TYW1B: variants seen among roughly 807,000 people sequenced by gnomAD.
TYW1B encodes the protein S-adenosyl-L-methionine-dependent tRNA 4-demethylwyosine synthase TYW1B.
A neutral mutation model predicts 86.9 loss-of-function variants in TYW1B; 73 were observed. The observed-to-expected ratio is 0.84, with a 90% confidence interval of 0.70 to 1.02. The LOEUF (loss-of-function observed/expected upper bound fraction) is 1.02. Ranked by LOEUF, TYW1B falls within the 50% of genes least tolerant of loss-of-function variation. The pLI is 0.00. For missense variants in TYW1B, 637 were observed against 827.4 expected (o/e 0.77, Z 2.82); for synonymous variants, 248 against 292.8 (o/e 0.85, Z 1.56).
rs1044063415 is a variant in TYW1B, at chr7:72,806,019, C to T, written c.723+1047G>A. On this transcript the variant is annotated intron_variant, in intron 5 of 13. Coordinates refer to ENST00000620995, the MANE Select transcript of TYW1B (RefSeq NM_001145440.3). ...AATGCTCAGAATGTGAGGGAAAAAG[C>T]GGAATCTAGGATGACTTGCAGCCTT... 3.0e-4 allele frequency among the ~76,000 whole-genome samples: 46 copies of T among 151,878 alleles called. 1 individual carries two copies. Among genetic ancestry groups the T allele is most frequent in the Admixed American group, 2.5e-3 (38 of 15,212 alleles).
chr7:72,585,241 G>C (rs1288845620), intron 13 of TYW1B, among the ~76,000 whole-genome samples: 1 of 152,132 alleles, frequency 6.6e-6, no homozygotes, highest in Admixed American at 6.5e-5. Flanking sequence ...AGTTGTTCCA[G>C]CTTTTGTTAC....
chr7:72,720,881 A>G (rs1337396274), intron 9 of TYW1B, among the ~76,000 whole-genome samples: 2 of 150,350 alleles, frequency 1.3e-5, no homozygotes, highest in African/African-American at 4.9e-5. Context: ...TGTATCTCCT[A>G]ATGCTATCCC....
At chr7:72,785,223 T>A (rs1333580817) in intron 6 of TYW1B, among the ~76,000 whole-genome samples, 1 of 151,614 alleles carries the variant, frequency 6.6e-6, no homozygotes, top group Non-Finnish European at 1.5e-5. Flanking sequence ...GGTGTTTTGG[T>A]AGGACCAAAT....
At chr7:72,647,681 C>T (rs1480400902) in intron 11 of TYW1B, among the ~76,000 whole-genome samples, 1 of 151,720 alleles carries the variant, frequency 6.6e-6, no homozygotes, top group African/African-American at 2.4e-5. Flanking sequence ...TATTTGTTGA[C>T]AAGGGGTAAC....
intron 13 of TYW1B, among the ~76,000 whole-genome samples, chr7:72,582,897 G>A (rs1252208449): frequency 2.0e-5 from 3 of 152,144 alleles, no homozygotes; most frequent in Non-Finnish European, 4.4e-5. Context: ...GCAATTGCAG[G>A]AGATGGCATG....
intron 6 of TYW1B, among the ~76,000 whole-genome samples, chr7:72,797,855 G>C (rs1344541747): frequency 4.6e-5 from 7 of 152,102 alleles, no homozygotes; most frequent in African/African-American, 1.7e-4. Flanking sequence ...TCTTCTATAG[G>C]ACTCTGCCCT....
chr7:72,620,518 A>G (rs1321641337), intron 12 of TYW1B, among the ~76,000 whole-genome samples: 1 of 152,188 alleles, frequency 6.6e-6, no homozygotes, highest in Non-Finnish European at 1.5e-5. Flanking sequence ...TGCTCTGGGC[A>G]GAAAATGTTC....
At chr7:72,582,093 T>C (rs1400881775) in intron 13 of TYW1B, among the ~76,000 whole-genome samples, 1 of 150,988 alleles carries the variant, frequency 6.6e-6, no homozygotes, top group Non-Finnish European at 1.5e-5. Flanking sequence ...TTTTTTTTAA[T>C]ATTAAAGAAC....
At chr7:72,779,581 G>T (rs1277101985) in intron 6 of TYW1B, among the ~76,000 whole-genome samples, 4 of 151,906 alleles carry the variant, frequency 2.6e-5, no homozygotes, top group Admixed American at 1.3e-4. Context: ...GTCAGGCATG[G>T]TGGCAGGCAC....
At chr7:72,789,180 CT>C (rs1333027568) in intron 6 of TYW1B, among the ~76,000 whole-genome samples, 1 of 151,476 alleles carries the variant, frequency 6.6e-6, no homozygotes, top group Non-Finnish European at 1.5e-5. Context: ...GTCACCCAGG[CT>C]GGAGTGCAGT....
At chr7:72,724,334 G>A (rs1554458243) in intron 9 of TYW1B, among the ~76,000 whole-genome samples, 3 of 152,020 alleles carry the variant, frequency 2.0e-5, no homozygotes, top group Admixed American at 6.6e-5. Flanking sequence ...TAGCTGAAGC[G>A]CGGTAGCATG....
intron 4 of TYW1B, among the ~76,000 whole-genome samples, chr7:72,809,021 T>C (rs1788548097): frequency 6.6e-6 from 1 of 150,764 alleles, no homozygotes; most frequent in African/African-American, 2.4e-5. Flanking sequence ...TTTTCCTCCA[T>C]TTCCCTTGAA....
chr7:72,625,867 A>C, intron 12 of TYW1B, among the ~76,000 whole-genome samples: 1 of 126,962 alleles, frequency 7.9e-6, no homozygotes, highest in African/African-American at 2.9e-5. Context: ...ATGACTGCGA[A>C]AGTAAGAAAG....
chr7:72,657,933 T>C, intron 11 of TYW1B, among the ~76,000 whole-genome samples: 1 of 152,194 alleles, frequency 6.6e-6, no homozygotes. Flanking sequence ...CTGTTTATAA[T>C]CACAGACAAA....
At chr7:72,727,802 G>T (rs1222026319) in intron 9 of TYW1B, among the ~76,000 whole-genome samples, 1 of 104,222 alleles carries the variant, frequency 9.6e-6, no homozygotes, top group African/African-American at 3.9e-5. Context: ...GACAGAGTGA[G>T]ATCCGGTCCA....
intron 11 of TYW1B, among the ~76,000 whole-genome samples, chr7:72,660,306 C>T (rs564256838): frequency 9.9e-5 from 15 of 152,130 alleles, no homozygotes; most frequent in East Asian, 9.7e-4. Flanking sequence ...CCCAGGAGAT[C>T]GAGGCTGCAG....
intron 11 of TYW1B, among the ~76,000 whole-genome samples, chr7:72,685,494 G>C (rs1813989009): frequency 6.6e-6 from 1 of 152,088 alleles, no homozygotes; most frequent in African/African-American, 2.4e-5. Context: ...TACAGCCCAG[G>C]AAAAGAGTCA....
chr7:72,591,462 CAT>C (rs1197021511), intron 13 of TYW1B, among the ~76,000 whole-genome samples: 2 of 152,088 alleles, frequency 1.3e-5, no homozygotes, highest in Non-Finnish European at 2.9e-5. Flanking sequence ...ACTTGTCACA[CAT>C]ACAGGGGATA....
intron 11 of TYW1B, among the ~76,000 whole-genome samples, chr7:72,661,352 G>C (rs1813326670): frequency 6.6e-6 from 1 of 151,534 alleles, no homozygotes; most frequent in Non-Finnish European, 1.5e-5. Flanking sequence ...AATTCTCTGG[G>C]TTTCTTGAGC....
Sources: allele counts gnomAD v4.1 joint callset (sites outside exome capture counted in the v4.1 genomes callset), GRCh38; gene constraint gnomAD v4.1.1; transcripts MANE v1.5; gene names NCBI Gene and HGNC (gene_info 2026-07-23, HGNC 2026-07-21).